FAM151B: variants seen among roughly 807,000 people sequenced by gnomAD.
FAM151B encodes family with sequence similarity 151 member B, also known as protein FAM151B.
FAM151B carries 24 observed loss-of-function variants against 31.2 expected under a neutral mutation model. The observed-to-expected ratio is 0.77, with a 90% CI of 0.56 to 1.08. The LOEUF (loss-of-function observed/expected upper bound fraction) is 1.08. Among genes scored for constraint, FAM151B ranks in the 50% least tolerant of loss-of-function variants. FAM151B has a pLI of 0.00. For missense variants in FAM151B, 293 were observed against 328.6 expected, an observed-to-expected ratio of 0.89 and a Z score of 0.84; for synonymous variants, 105 against 111.4, an observed-to-expected ratio of 0.94 and a Z score of 0.36.
At chr5:80,488,201 C>T in intron 1 of FAM151B, 53 bp downstream of exon 1, 1 of 1,518,752 alleles carries the variant, frequency 6.6e-7, no homozygotes, top group Non-Finnish European at 8.8e-7. Context: ...TTGAGAGGCT[C>T]CGCCGGCCGT....
chr5:80,506,751 A>T (rs183342968), intron 2 of FAM151B, among the ~76,000 whole-genome samples: 1 of 152,138 alleles, frequency 6.6e-6, no homozygotes, highest in African/African-American at 2.4e-5. Context: ...AAGAGGAGAG[A>T]TTTTTTTCCC....
chr5:80,506,672 G>A (rs138564795), intron 2 of FAM151B, among the ~76,000 whole-genome samples: 3 of 152,260 alleles, frequency 2.0e-5, no homozygotes, highest in South Asian at 4.1e-4. Flanking sequence ...GTCTCAAATG[G>A]TGTTCCATTT....
intron 5 of FAM151B, among the ~76,000 whole-genome samples, chr5:80,531,586 C>T (rs1049176831): frequency 5.9e-5 from 9 of 152,260 alleles, no homozygotes; most frequent in African/African-American, 1.9e-4. Context: ...AGGATATGAA[C>T]AGACACCTCT....
intron 4 of FAM151B, among the ~76,000 whole-genome samples, chr5:80,521,723 T>A (rs1008436579): frequency 1.3e-5 from 2 of 152,146 alleles, no homozygotes; most frequent in African/African-American, 4.8e-5. Flanking sequence ...TGTAAATTTT[T>A]TTTCTTGTGC....
chr5:80,498,101 T>C (rs1743615828), intron 1 of FAM151B, among the ~76,000 whole-genome samples: 1 of 152,246 alleles, frequency 6.6e-6, no homozygotes. Context: ...TATTCTATCA[T>C]GCATATGTAC....
intron 5 of FAM151B, among the ~76,000 whole-genome samples, chr5:80,538,951 G>A (rs1745737624): frequency 6.7e-6 from 1 of 149,708 alleles, no homozygotes; most frequent in African/African-American, 2.4e-5. Flanking sequence ...CTTGCTTCTT[G>A]GTTCTGTTCT....
At chr5:80,495,889 G>T (rs906831875) in intron 1 of FAM151B, among the ~76,000 whole-genome samples, 1 of 149,004 alleles carries the variant, frequency 6.7e-6, no homozygotes, top group Non-Finnish European at 1.5e-5. Flanking sequence ...AATTAGAATG[G>T]AGCCTGAAGA....
intron 1 of FAM151B, among the ~76,000 whole-genome samples, chr5:80,497,570 T>A (rs1420178373): frequency 1.3e-5 from 2 of 152,158 alleles, no homozygotes; most frequent in Admixed American, 1.3e-4. Context: ...AATTGGATCC[T>A]CTGTAAGTTT....
intron 2 of FAM151B, among the ~76,000 whole-genome samples, chr5:80,503,730 T>C (rs1743837483): frequency 6.6e-6 from 1 of 152,164 alleles, no homozygotes; most frequent in Admixed American, 6.5e-5. Flanking sequence ...TTTGCCATCA[T>C]AGCCTGGGGA....
At chr5:80,541,615 A>G in intron 5 of FAM151B, 58 bp from the exon 6 acceptor site, 1 of 1,531,294 alleles carries the variant, frequency 6.5e-7, no homozygotes, top group Non-Finnish European at 8.9e-7. Flanking sequence ...GGCTTATTGG[A>G]ATGACTCATC....
At chr5:80,522,783 C>A (rs182095220) in intron 5 of FAM151B, among the ~76,000 whole-genome samples, 291 of 152,046 alleles carry the variant, frequency 1.9e-3, no homozygotes, top group African/African-American at 6.7e-3. Flanking sequence ...TTTCAGAAAT[C>A]TTTTTTATAT....
intron 3 of FAM151B, among the ~76,000 whole-genome samples, 189 bp downstream of exon 3, chr5:80,513,958 A>G (rs570104865): frequency 2.0e-4 from 30 of 152,308 alleles, no homozygotes; most frequent in African/African-American, 7.2e-4. Context: ...CCTTAAAGGC[A>G]AAAGTTAGAT....
chr5:80,531,247 TA>T (rs1218963667), intron 5 of FAM151B, among the ~76,000 whole-genome samples: 1 of 152,130 alleles, frequency 6.6e-6, no homozygotes, highest in African/African-American at 2.4e-5. Context: ...CAAAATGGAT[TA>T]AAGACTTAAA....
At chr5:80,501,310 G>T (rs927319220) in intron 1 of FAM151B, 9 of 918,528 alleles carry the variant, frequency 9.8e-6, no homozygotes, top group Non-Finnish European at 1.3e-5. Context: ...GTGAGCCACC[G>T]CGCCCGGCCG....
intron 2 of FAM151B, 46 bp downstream of exon 2, chr5:80,501,963 A>G (rs1420623928): frequency 7.0e-7 from 1 of 1,438,772 alleles, no homozygotes; most frequent in Non-Finnish European, 9.3e-7. Context: ...TAATAGATTA[A>G]TTCAACTCCT....
At chr5:80,533,623 A>G (rs895466251) in intron 5 of FAM151B, among the ~76,000 whole-genome samples, 1 of 145,992 alleles carries the variant, frequency 6.8e-6, no homozygotes, top group Non-Finnish European at 1.5e-5. Flanking sequence ...GGTGGCACGC[A>G]CCTGTAATCC....
intron 2 of FAM151B, among the ~76,000 whole-genome samples, chr5:80,504,236 C>T (rs920579572): frequency 7.2e-5 from 11 of 152,086 alleles, no homozygotes; most frequent in African/African-American, 1.4e-4. Flanking sequence ...GTCATTTTTT[C>T]GCTCCTTTCT....
chr5:80,509,268 C>CA (rs1213033374), intron 2 of FAM151B, among the ~76,000 whole-genome samples: 1 of 152,092 alleles, frequency 6.6e-6, no homozygotes, highest in Non-Finnish European at 1.5e-5. Flanking sequence ...AGTAAGCCAC[C>CA]ACTCTGGCTT....
chr5:80,520,742 A>G (rs1470934561), intron 4 of FAM151B, among the ~76,000 whole-genome samples: 1 of 147,788 alleles, frequency 6.8e-6, no homozygotes, highest in African/African-American at 2.5e-5. Context: ...ATAAAAATAT[A>G]TATTCTCTAT....
Sources: allele counts gnomAD v4.1 joint callset (sites outside exome capture counted in the v4.1 genomes callset), GRCh38; gene constraint gnomAD v4.1.1; transcripts MANE v1.5; gene names NCBI Gene and HGNC (gene_info 2026-07-23, HGNC 2026-07-21).